The following DLGAP1 variants were observed in gnomAD, a reference collection of about 807,000 sequenced individuals.
The protein encoded by DLGAP1 is DLG associated protein 1.
A neutral mutation model predicts 90.8 loss-of-function variants in DLGAP1; 11 were observed. That is an observed-to-expected ratio of 0.12 (90% CI 0.08 to 0.20). The LOEUF is 0.20. Among genes scored for constraint, DLGAP1 ranks in the 10% least tolerant of loss-of-function variants. The probability of loss-of-function intolerance (pLI) is 1.00; values close to 1 mark genes in which losing one functional copy is unlikely to be tolerated. For missense variants in DLGAP1, 1,050 were observed against 1,333.8 expected (o/e 0.79, Z 3.31); for synonymous variants, 558 against 540.7 (o/e 1.03, Z -0.44).
chr18:3,927,827 A>G (rs2072426467), intron 3 of DLGAP1, among the ~76,000 whole-genome samples: 1 of 152,190 alleles, frequency 6.6e-6, no homozygotes, highest in African/African-American at 2.4e-5. Context: ...TTTTCCCAAT[A>G]TAATCCATAG....
At chr18:3,937,549 G>A (rs530779720) in intron 3 of DLGAP1, among the ~76,000 whole-genome samples, 9 of 152,198 alleles carry the variant, frequency 5.9e-5, no homozygotes, top group African/African-American at 1.7e-4. Flanking sequence ...GATTTGGGTG[G>A]GGATACAGCC....
rs572154595 is a variant in DLGAP1, at chr18:4,253,634, T to C, written c.-266-102347A>G. ...CATGTTGCCCAGGCTGTTCTTGAAC[T>C]CCTGGCCTCAAGTGATTCACCTGCC... On this transcript the variant is annotated intron_variant, in intron 1 of 12. Coordinates refer to ENST00000315677, the MANE Select transcript of DLGAP1 (RefSeq NM_004746.4). Among the ~76,000 whole-genome samples the C allele has an allele frequency of 3.9e-5, 6 of 152,286 alleles. No individual in the cohort carries two copies. In the South Asian group the frequency reaches 1.0e-3, roughly 26 times the overall value.
intron 5 of DLGAP1, among the ~76,000 whole-genome samples, chr18:3,798,837 T>C (rs2148305924): frequency 6.6e-6 from 1 of 152,284 alleles, no homozygotes; most frequent in East Asian, 1.9e-4. Context: ...AATTTTAACA[T>C]TCTGATCTCA....
intron 2 of DLGAP1, among the ~76,000 whole-genome samples, chr18:4,017,264 C>T (rs556286159): frequency 6.6e-6 from 1 of 152,232 alleles, no homozygotes; most frequent in Non-Finnish European, 1.5e-5. Flanking sequence ...GAAAGTAGAA[C>T]TCAGGGCAGG....
At chr18:4,119,137 G>A (rs1335131218) in intron 2 of DLGAP1, among the ~76,000 whole-genome samples, 1 of 151,986 alleles carries the variant, frequency 6.6e-6, no homozygotes, top group Admixed American at 6.6e-5. Context: ...TGTGGTCCAG[G>A]CTAGAGTGCA....
At chr18:3,824,278 G>A (rs2067591827) in intron 4 of DLGAP1, among the ~76,000 whole-genome samples, 1 of 152,076 alleles carries the variant, frequency 6.6e-6, no homozygotes, top group Non-Finnish European at 1.5e-5. Flanking sequence ...CAGAGATGTG[G>A]GTAGAAGATT....
chr18:4,370,890 T>C (rs925895728), intron 1 of DLGAP1, among the ~76,000 whole-genome samples: 2 of 152,162 alleles, frequency 1.3e-5, no homozygotes, highest in African/African-American at 4.8e-5. Flanking sequence ...TTCAGTAATA[T>C]ATCATTCCAC....
intron 7 of DLGAP1, among the ~76,000 whole-genome samples, chr18:3,669,796 G>A (rs1598281360): frequency 6.6e-6 from 1 of 152,140 alleles, no homozygotes; most frequent in East Asian, 1.9e-4. Flanking sequence ...GCAAGAACCC[G>A]GATACAGAAA....
At chr18:3,680,776 G>A (rs1159627371) in intron 7 of DLGAP1, among the ~76,000 whole-genome samples, 2 of 132,692 alleles carry the variant, frequency 1.5e-5, no homozygotes, top group African/African-American at 3.2e-5. Context: ...AAGACAGAGC[G>A]AGACTCCGTC....
rs2050949150 is a variant in DLGAP1 at position 3,517,999 on chromosome 18, A to G, written c.2480-9338T>C. Among the ~76,000 whole-genome samples the G allele has an allele frequency of 6.6e-6, 1 of 152,194 alleles. No homozygotes were observed. ...TTGGGTAGCACTTTTCATTTCCTTCAAGAAGTTTTCCTTTGTATTCACAAC... is the reference window on the plus strand; with the variant it reads ...TTGGGTAGCACTTTTCATTTCCTTCGAGAAGTTTTCCTTTGTATTCACAAC... On this transcript the variant is annotated intron_variant, in intron 10 of 12. Transcript: ENST00000315677. This position sits in a 1 kb window ranked among gnomAD's most constrained non-coding sequence, Gnocchi z 4.1.
intron 1 of DLGAP1, among the ~76,000 whole-genome samples, chr18:4,405,786 G>A (rs2082650069): frequency 1.3e-5 from 2 of 152,088 alleles, no homozygotes; most frequent in African/African-American, 4.8e-5. Flanking sequence ...CACCAACAGG[G>A]GCTCCAAACT....
chr18:4,274,372 T>C (rs146071138), intron 1 of DLGAP1, among the ~76,000 whole-genome samples: 78 of 152,332 alleles, frequency 5.1e-4, no homozygotes, highest in African/African-American at 1.7e-3. Context: ...GGTCAGAAAA[T>C]GTACTTTGTA....
At chr18:3,894,529 T>C (rs981623497) in intron 3 of DLGAP1, among the ~76,000 whole-genome samples, 24 of 152,318 alleles carry the variant, frequency 1.6e-4, no homozygotes, top group African/African-American at 5.1e-4. Context: ...CTGGGTTTTG[T>C]TTTTTGTTCC....
intron 3 of DLGAP1, among the ~76,000 whole-genome samples, chr18:3,893,839 G>A (rs1315575682): frequency 6.6e-6 from 1 of 151,996 alleles, no homozygotes; most frequent in Non-Finnish European, 1.5e-5. Flanking sequence ...CACCAAAAGT[G>A]TATAGACATT....
At chr18:3,994,897 T>C (rs1881160875) in intron 3 of DLGAP1, among the ~76,000 whole-genome samples, 1 of 150,584 alleles carries the variant, frequency 6.6e-6, no homozygotes, top group African/African-American at 2.5e-5. Flanking sequence ...AGAAATAGAT[T>C]TGTTACTTGA....
chr18:4,235,021 C>T (rs2078378026), intron 1 of DLGAP1, among the ~76,000 whole-genome samples: 1 of 152,130 alleles, frequency 6.6e-6, no homozygotes, highest in African/African-American at 2.4e-5. Flanking sequence ...GATGACTTTA[C>T]TTCATTTGTG....
intron 1 of DLGAP1, among the ~76,000 whole-genome samples, chr18:4,412,047 A>G (rs2082790521): frequency 6.6e-6 from 1 of 152,146 alleles, no homozygotes; most frequent in Non-Finnish European, 1.5e-5. Context: ...TTATCTTGTA[A>G]GACTAACTAC....
At chr18:3,823,997 G>T (rs1262411278) in intron 4 of DLGAP1, among the ~76,000 whole-genome samples, 1 of 147,454 alleles carries the variant, frequency 6.8e-6, no homozygotes, top group Non-Finnish European at 1.5e-5. Context: ...TAGGTCTATG[G>T]TAAATATATT....
chr18:3,803,709 G>A (rs1405732649), intron 5 of DLGAP1, among the ~76,000 whole-genome samples: 3 of 151,994 alleles, frequency 2.0e-5, no homozygotes, highest in African/African-American at 7.3e-5. Context: ...TAGAGGGCTG[G>A]AGCCGAAGAC....
Sources: allele counts gnomAD v4.1 joint callset (sites outside exome capture counted in the v4.1 genomes callset), GRCh38; gene constraint gnomAD v4.1.1; non-coding constraint Gnocchi (gnomAD v3.1); transcripts MANE v1.5; gene names NCBI Gene and HGNC (gene_info 2026-07-23, HGNC 2026-07-21).